Variants in SRPK1 observed in about 807,000 individuals in gnomAD.
SRPK1 encodes SRSF protein kinase 1, also known as SFRS protein kinase 1.
A neutral mutation model predicts 89.5 loss-of-function variants in SRPK1; 52 were observed. The ratio of observed to expected loss-of-function variants is 0.58; its 90% CI spans 0.46 to 0.73. The LOEUF is 0.73. Among genes scored for constraint, SRPK1 ranks in the 30% least tolerant of loss-of-function variants. The pLI is 0.00. For synonymous variants in SRPK1, 255 were observed against 270.2 expected (o/e 0.94, Z 0.55); for missense variants, 603 against 780.6 (o/e 0.77, Z 2.71).
At chr6:35,918,799 A>G (rs1395016828) in intron 2 of SRPK1, among the ~76,000 whole-genome samples, 1 of 152,228 alleles carries the variant, frequency 6.6e-6, no homozygotes, top group Non-Finnish European at 1.5e-5. Context: ...ATATGGTCTA[A>G]ATAGATAATC....
chr6:35,902,870 A>C (rs1297432825), intron 2 of SRPK1, among the ~76,000 whole-genome samples: 1 of 152,244 alleles, frequency 6.6e-6, no homozygotes, highest in Non-Finnish European at 1.5e-5. Flanking sequence ...AACTAGCAGA[A>C]GGGAGCTTGT....
intron 6 of SRPK1, among the ~76,000 whole-genome samples, chr6:35,875,027 T>C (rs1250126943): frequency 6.6e-6 from 1 of 152,162 alleles, no homozygotes; most frequent in Admixed American, 6.5e-5. Flanking sequence ...CCCCACTGGC[T>C]TCTACATGCA....
chr6:35,896,353 T>C (rs1363539916), intron 2 of SRPK1, among the ~76,000 whole-genome samples: 5 of 152,208 alleles, frequency 3.3e-5, no homozygotes, highest in Non-Finnish European at 5.9e-5. Flanking sequence ...GTGTTCATTG[T>C]TGTGGTGTGA....
At chr6:35,884,855 C>G (rs528968253) in intron 6 of SRPK1, among the ~76,000 whole-genome samples, 56 of 152,152 alleles carry the variant, frequency 3.7e-4, no homozygotes, top group Non-Finnish European at 7.4e-4. Flanking sequence ...ACAAAATTAG[C>G]TGGGTGTGGT....
At chr6:35,872,778 T>C in intron 7 of SRPK1, 50 bp from the exon 8 acceptor site, 5 of 1,490,524 alleles carry the variant, frequency 3.4e-6, no homozygotes, top group Non-Finnish European at 4.5e-6. Flanking sequence ...ACAGGCTTTC[T>C]GGAGAAGTAA....
At chr6:35,856,081 A>G (rs1436748555) in intron 13 of SRPK1, among the ~76,000 whole-genome samples, 2 of 152,234 alleles carry the variant, frequency 1.3e-5, no homozygotes, top group Non-Finnish European at 2.9e-5. Context: ...CCACATGATC[A>G]GAAGACTGGG....
chr6:35,905,479 C>T (rs1770831337), intron 2 of SRPK1, among the ~76,000 whole-genome samples: 1 of 151,994 alleles, frequency 6.6e-6, no homozygotes, highest in African/African-American at 2.4e-5. Context: ...AATAATTCTG[C>T]AAGACTTGGA....
rs1170321242 is a variant in SRPK1 at position 35,834,991 on chromosome 6, A to G, written c.*313T>C. ...TCATACACCTTCATAGCTCTTTTCA[A>G]AAAGGATGCTTATAATTTAAAGGAT... On this transcript the variant is annotated 3_prime_UTR_variant, in exon 16 of 16. Transcript: ENST00000373825. The G allele has an allele frequency of 1.4e-5, 3 of 210,992 alleles. No homozygotes were observed. The highest frequency in any genetic ancestry group is 1.1e-4 in the Admixed American group (2 of 18,892). The allele number at this position is 210,992 out of a possible 1,614,324, so 13.1% of individuals were successfully genotyped here.
chr6:35,920,592 G>A (rs1771213453), intron 1 of SRPK1, 64 bp from the exon 2 acceptor site: 2 of 1,522,364 alleles, frequency 1.3e-6, no homozygotes, highest in African/African-American at 2.8e-5. Context: ...AGGTGAGGGT[G>A]GAGACCCAGC....
intron 13 of SRPK1, among the ~76,000 whole-genome samples, chr6:35,855,594 A>G (rs1769649602): frequency 6.6e-6 from 1 of 152,230 alleles, no homozygotes; most frequent in Non-Finnish European, 1.5e-5. Flanking sequence ...CCTGTTGAAT[A>G]ATGAAGAAAT....
At chr6:35,896,337 G>T (rs546293422) in intron 2 of SRPK1, among the ~76,000 whole-genome samples, 1 of 152,302 alleles carries the variant, frequency 6.6e-6, no homozygotes, top group Admixed American at 6.5e-5. Context: ...TTGGTCACAG[G>T]AGTCTGTGTT....
At chr6:35,843,889 G>A (rs372023456) in intron 13 of SRPK1, among the ~76,000 whole-genome samples, 24 of 152,206 alleles carry the variant, frequency 1.6e-4, no homozygotes, top group Admixed American at 6.5e-4. Flanking sequence ...TACAGTGCTC[G>A]AGAGTGTCTT....
rs1228309814 is a variant in SRPK1 at position 35,870,340 on chromosome 6, C to T, written c.932G>A (p.Ser311Asn). Residue 311 changes from serine (S) to asparagine (N), a missense_variant, in exon 10 of 16, where the codon AGT becomes AAT. By Grantham distance (46) the Ser-to-Asn change is conservative. Transcript: ENST00000373825. ...CTCTTTCAAGGGTCTTTCAACAGGA[C>T]TCTCTGATTCTTCTTGCTTGTTTGG... The part of the protein sequence containing the change: ...KRPNKQEESE[S>N]PVERPLKENP... 3 of 1,613,234 alleles carry T rather than the reference C, an allele frequency of 1.9e-6. No homozygotes were observed. The highest frequency in any genetic ancestry group is 2.7e-5 in the African/African-American group (2 of 74,928).
chr6:35,892,325 CACTT>C (rs993621119), intron 2 of SRPK1, among the ~76,000 whole-genome samples: 1 of 152,138 alleles, frequency 6.6e-6, no homozygotes, highest in Admixed American at 6.5e-5. Flanking sequence ...CAGGCTCTGA[CACTT>C]ATTAGTTGCC....
At chr6:35,880,920 G>A (rs1232609019) in intron 6 of SRPK1, among the ~76,000 whole-genome samples, 4 of 151,624 alleles carry the variant, frequency 2.6e-5, no homozygotes, top group Non-Finnish European at 5.9e-5. Context: ...ACTTTTGAAA[G>A]ATTAAGAGGG....
intron 6 of SRPK1, among the ~76,000 whole-genome samples, chr6:35,881,690 TACC>T (rs891158928): frequency 2.0e-5 from 3 of 151,932 alleles, no homozygotes; most frequent in Admixed American, 1.3e-4. Flanking sequence ...AGGTTCAACA[TACC>T]ACCAAGAAGA....
At chr6:35,921,012 C>T (rs2127274791) in intron 1 of SRPK1, 32 bp downstream of exon 1, 2 of 1,538,010 alleles carry the variant, frequency 1.3e-6, no homozygotes, top group Non-Finnish European at 8.7e-7. Context: ...GCGACCATTG[C>T]CCCTCGTGGC....
intron 6 of SRPK1, among the ~76,000 whole-genome samples, chr6:35,880,814 G>A (rs573265552): frequency 8.6e-4 from 115 of 134,370 alleles, no homozygotes; most frequent in African/African-American, 2.9e-3. Flanking sequence ...GGTTGAAAAC[G>A]TCACAAATTA....
At chr6:35,887,622 T>C (rs1193897839) in intron 5 of SRPK1, among the ~76,000 whole-genome samples, 1 of 152,194 alleles carries the variant, frequency 6.6e-6, no homozygotes, top group Admixed American at 6.5e-5. Flanking sequence ...GTAAATACAG[T>C]ATTTTTATAT....
Sources: gnomAD v4.1 joint callset for allele counts (sites outside exome capture counted in the v4.1 genomes callset) on GRCh38, gnomAD v4.1.1 for gene constraint, MANE v1.5 for transcripts, NCBI Gene and HGNC (gene_info 2026-07-23, HGNC 2026-07-21) for gene names.